The following CREB5 variants were observed in gnomAD, a reference collection of about 807,000 sequenced individuals.
The protein encoded by CREB5 is cAMP responsive element binding protein 5.
In CREB5, 19 loss-of-function variants were observed where a neutral mutation model predicts 57.1. The ratio of observed to expected loss-of-function variants is 0.33; its 90% CI spans 0.23 to 0.49. The LOEUF (loss-of-function observed/expected upper bound fraction) is 0.49. CREB5 is among the 20% of genes least tolerant of loss of function. The probability of loss-of-function intolerance (pLI) is 0.99; values close to 1 mark genes in which losing one functional copy is unlikely to be tolerated. For synonymous variants in CREB5, 238 were observed against 238.3 expected, an observed-to-expected ratio of 1.00 and a Z score of 0.01; for missense variants, 579 against 671.6, an observed-to-expected ratio of 0.86 and a Z score of 1.52.
chr7:28,580,596 A>T (rs201121328), intron 5 of CREB5, among the ~76,000 whole-genome samples: 36,159 of 114,474 alleles, frequency 0.32, 4,941 homozygotes, highest in East Asian at 0.66. Context: ...TGTGTGTGAG[A>T]GAGAGATAGA....
At chr7:28,729,962 A>T (rs1010680583) in intron 7 of CREB5, among the ~76,000 whole-genome samples, 5 of 151,934 alleles carry the variant, frequency 3.3e-5, no homozygotes, top group African/African-American at 1.2e-4. Flanking sequence ...TAGGAATTAC[A>T]TAAGATTCCA....
intron 4 of CREB5, among the ~76,000 whole-genome samples, chr7:28,555,481 A>G (rs992049886): frequency 6.6e-6 from 1 of 152,246 alleles, no homozygotes; most frequent in South Asian, 2.1e-4. Context: ...TTTTTAGGGA[A>G]GATTTAAATT....
chr7:28,411,262 G>A (rs1237818405), upstream of CREB5, among the ~76,000 whole-genome samples: 1 of 152,176 alleles, frequency 6.6e-6, no homozygotes, highest in East Asian at 1.9e-4. Flanking sequence ...TTTACGTAGT[G>A]CCTGCCCTTT....
intron 7 of CREB5, among the ~76,000 whole-genome samples, chr7:28,758,176 C>T (rs1303680457): frequency 2.0e-5 from 3 of 152,230 alleles, no homozygotes; most frequent in Admixed American, 6.5e-5. Context: ...ATGAAGATAT[C>T]GAGGCTCAGG....
intron 1 of CREB5, among the ~76,000 whole-genome samples, chr7:28,459,757 C>T (rs1310224918): frequency 6.6e-6 from 1 of 152,156 alleles, no homozygotes; most frequent in Non-Finnish European, 1.5e-5. Context: ...CTTTGACTGG[C>T]TCTGTCATGT....
intron 5 of CREB5, among the ~76,000 whole-genome samples, chr7:28,606,487 A>C (rs1002458901): frequency 1.3e-5 from 2 of 152,200 alleles, no homozygotes; most frequent in African/African-American, 4.8e-5. Context: ...GTGTGAGAAC[A>C]GTCATCCATC....
intron 4 of CREB5, among the ~76,000 whole-genome samples, chr7:28,543,560 T>C (rs1441737362): frequency 6.9e-6 from 1 of 145,356 alleles, no homozygotes; most frequent in East Asian, 2.0e-4. Flanking sequence ...AGGTCTGTCT[T>C]TCAAATATCA....
chr7:28,784,751 C>T (rs1319231767), intron 7 of CREB5, among the ~76,000 whole-genome samples: 2 of 152,070 alleles, frequency 1.3e-5, no homozygotes, highest in Non-Finnish European at 2.9e-5. Flanking sequence ...GGTTGATGAG[C>T]GAAACGAAGG....
At position 28,678,391 on chromosome 7, in the gene CREB5, A is replaced by G. The variant is rs550175734; in HGVS notation, c.465-40362A>G. Among the ~76,000 whole-genome samples the G allele has an allele frequency of 1.3e-4, 20 of 151,350 alleles. No individual in the cohort carries two copies. In the South Asian group the frequency reaches 4.1e-3, roughly 31 times the overall value. On this transcript the variant is annotated intron_variant, in intron 5 of 10. Transcript: ENST00000357727. ...CGACAGAGTGAGACTCTGCTCAAAA[A>G]AAATAAAAATAAAAATAAAAATAAA...
intron 1 of CREB5, among the ~76,000 whole-genome samples, chr7:28,392,050 C>T (rs1483240077): frequency 3.3e-5 from 5 of 152,134 alleles, no homozygotes; most frequent in Non-Finnish European, 7.3e-5. Context: ...CATGTTCTCA[C>T]TTGTAAGTGG....
intron 1 of CREB5, among the ~76,000 whole-genome samples, chr7:28,487,963 G>T (rs1791639515): frequency 6.6e-6 from 1 of 152,190 alleles, no homozygotes; most frequent in South Asian, 2.1e-4. Context: ...ATGCACTCGA[G>T]TAAAGGACAG....
At chr7:28,772,053 C>T (rs1302065598) in intron 7 of CREB5, among the ~76,000 whole-genome samples, 1 of 152,130 alleles carries the variant, frequency 6.6e-6, no homozygotes, top group Non-Finnish European at 1.5e-5. Flanking sequence ...AAAACACTCC[C>T]ACTTTCTCGG....
rs993614396 is a variant in CREB5, at chr7:28,427,429, A to C, written c.3+14512A>C. Reference sequence around the variant, plus strand: ...GGATTTTTAAAAAATGATTCTAAAAAACACATGACCAACTTTTGGCAAGAG... The same window carrying C: ...GGATTTTTAAAAAATGATTCTAAAACACACATGACCAACTTTTGGCAAGAG... On this transcript the variant is annotated intron_variant, in intron 1 of 10. Coordinates refer to ENST00000357727, the MANE Select transcript of CREB5 (RefSeq NM_182898.4). Among the ~76,000 whole-genome samples the C allele has an allele frequency of 2.4e-4, 37 of 152,276 alleles. 1 individual carries two copies. The highest frequency in any genetic ancestry group is 8.7e-4 in the African/African-American group (36 of 41,572).
At chr7:28,393,680 T>C (rs1432870798) in intron 1 of CREB5, among the ~76,000 whole-genome samples, 1 of 152,164 alleles carries the variant, frequency 6.6e-6, no homozygotes, top group African/African-American at 2.4e-5. Context: ...AGCTTAGGAA[T>C]AAGTGAAAGG....
At chr7:28,429,012 G>A (rs1317414968) in intron 1 of CREB5, among the ~76,000 whole-genome samples, 1 of 152,090 alleles carries the variant, frequency 6.6e-6, no homozygotes, top group African/African-American at 2.4e-5. Context: ...CTTGTGTGAT[G>A]TTTAGTTTAA....
chr7:28,490,027 T>C (rs1483527191), intron 2 of CREB5, among the ~76,000 whole-genome samples: 2 of 152,232 alleles, frequency 1.3e-5, no homozygotes, highest in East Asian at 3.9e-4. Flanking sequence ...GAAGTCTTGA[T>C]AGCCAAAGGG....
At chr7:28,560,845 C>CGTGCGTGTGTGCGCGTGCGTGT (rs1396686194) in intron 4 of CREB5, among the ~76,000 whole-genome samples, 1 of 41,320 alleles carries the variant, frequency 2.4e-5, no homozygotes, top group African/African-American at 8.0e-5. Flanking sequence ...TGTGTGTGTG[C>CGTGCGTGTGTGCGCGTGCGTGT]GCGTGTGTGT....
At chr7:28,519,811 T>C (rs1015139553) in intron 4 of CREB5, among the ~76,000 whole-genome samples, 1 of 152,248 alleles carries the variant, frequency 6.6e-6, no homozygotes, top group Non-Finnish European at 1.5e-5. Context: ...TATTTTCTCT[T>C]CTATTTTACA....
In CREB5 at chr7:28,560,883, CGTGCGTGT is replaced by C. The variant is rs1232817682; in HGVS notation, c.292-9478_292-9471del. ...GCGTGTGCCTGCGTGCGCGTGCGTG[CGTGCGTGT>C]GTGTGCGTGCGCGCGTGCGTGTGCG... On this transcript the variant is annotated intron_variant, in intron 4 of 10. Coordinates refer to ENST00000357727, the MANE Select transcript of CREB5 (RefSeq NM_182898.4). 7.5e-4 allele frequency among the ~76,000 whole-genome samples: 13 copies of C among 17,256 alleles called. 2 individuals are homozygous for C. The highest frequency in any genetic ancestry group is 1.3e-3 in the Admixed American group (2 of 1,592). 11.3% of individuals were successfully genotyped at this position (17,256 alleles called of 152,430 possible). A position where few individuals can be genotyped will look rare whatever the true frequency, so the allele number is the denominator to read the frequency against.
Sources: gnomAD v4.1 joint callset for allele counts (sites outside exome capture counted in the v4.1 genomes callset) on GRCh38, gnomAD v4.1.1 for gene constraint, MANE v1.5 for transcripts, NCBI Gene and HGNC (gene_info 2026-07-23, HGNC 2026-07-21) for gene names.